The following KIF2A variants were observed in gnomAD, a reference collection of about 807,000 sequenced individuals.
KIF2A encodes kinesin-like protein KIF2A.
In KIF2A, 22 loss-of-function variants were observed where a neutral mutation model predicts 100.2. The observed-to-expected ratio is 0.22, with a 90% CI of 0.16 to 0.31. The LOEUF (loss-of-function observed/expected upper bound fraction) is 0.31. Among genes scored for constraint, KIF2A ranks in the 10% least tolerant of loss-of-function variants. The pLI is 1.00. For synonymous variants in KIF2A, 268 were observed against 285.9 expected, an observed-to-expected ratio of 0.94 and a Z score of 0.63; for missense variants, 495 against 898.7, an observed-to-expected ratio of 0.55 and a Z score of 5.74.
intron 1 of KIF2A, among the ~76,000 whole-genome samples, chr5:62,333,430 G>A (rs1016212046): frequency 3.3e-5 from 5 of 152,142 alleles, no homozygotes; most frequent in African/African-American, 1.2e-4. Flanking sequence ...AGGAAGGAAC[G>A]GGAGGAAGAT....
chr5:62,379,902 T>A (rs1187481395), intron 19 of KIF2A, among the ~76,000 whole-genome samples: 1 of 152,198 alleles, frequency 6.6e-6, no homozygotes, highest in Admixed American at 6.5e-5. Context: ...CTTGTTTTGT[T>A]TTTTGTTTTG....
rs752570320 is a variant in KIF2A, at chr5:62,347,167, A to G, written c.102A>G (p.Glu34=). 6.2e-7 allele frequency: 1 copy of G among 1,604,394 alleles called. No homozygotes were observed. Among genetic ancestry groups the G allele is most frequent in the South Asian group, 1.1e-5 (1 of 89,182 alleles). ...AAGCAATGGTAACATCTTTAAATGA[A>G]GATAATGAAAGTGTAACTGTTGAAT... is the stretch of plus-strand genomic sequence containing the variant. ...IHQAMVTSLN[E]DNESVTVEWI... The change falls in exon 2 of 21, where the codon GAA becomes GAG. Residue 34 remains glutamate (E), a synonymous_variant. Coordinates refer to ENST00000407818, the MANE Select transcript of KIF2A (RefSeq NM_001098511.3).
chr5:62,354,834 A>C (rs935866128), intron 6 of KIF2A, among the ~76,000 whole-genome samples: 3 of 152,124 alleles, frequency 2.0e-5, no homozygotes, highest in Admixed American at 1.3e-4. Context: ...CTGTTGCTGC[A>C]TTTTATAGGA....
Position 62,319,907 on chromosome 5 carries a change from A to ATG in KIF2A, c.64+13372_64+13373insGT, listed in dbSNP as rs1561249202. 9.4e-3 allele frequency among the ~76,000 whole-genome samples: 1,421 copies of ATG among 151,884 alleles called. 13 individuals are homozygous for ATG. Among genetic ancestry groups the ATG allele is most frequent in the South Asian group, 0.032 (152 of 4,812 alleles). On this transcript the variant is annotated intron_variant, in intron 1 of 20. Transcript: ENST00000407818. ...TATATGTATGTATGTATGTATGTAT[A>ATG]TATCTATTAGTCTCCATCCTACCCC...
Position 62,358,144 on chromosome 5 carries a change from A to G in KIF2A, c.717A>G (p.Gln239=), listed in dbSNP as rs754709514. The part of the protein sequence containing the change: ...RKRPLNKKET[Q]MKDLDVITIP... Reference sequence around the variant, plus strand: ...TTTCATTTATTCTTTTAGAAACTCAAATGAAAGATCTTGATGTAATCACAA... The same window carrying G: ...TTTCATTTATTCTTTTAGAAACTCAGATGAAAGATCTTGATGTAATCACAA... Residue 239 remains glutamine (Q), a synonymous_variant, in exon 9 of 21, where the codon CAA becomes CAG. Transcript: ENST00000407818. 1.2e-5 allele frequency: 18 copies of G among 1,557,102 alleles called. No individual in the cohort carries two copies. In the African/African-American group the frequency reaches 1.9e-4, roughly 17 times the overall value.
At chr5:62,383,953 A>G (rs1375979070) in intron 20 of KIF2A, among the ~76,000 whole-genome samples, 1 of 152,134 alleles carries the variant, frequency 6.6e-6, no homozygotes, top group African/African-American at 2.4e-5. Flanking sequence ...TTTGGGATTT[A>G]TAAGAAAAAT....
At chr5:62,308,546 A>G (rs1745418809) in intron 1 of KIF2A, 2 of 702,994 alleles carry the variant, frequency 2.8e-6, no homozygotes, top group South Asian at 1.5e-5. Context: ...GTGTGTGTGT[A>G]TACGTTTATG....
chr5:62,331,809 A>C (rs1031511336), intron 1 of KIF2A, among the ~76,000 whole-genome samples: 26 of 151,956 alleles, frequency 1.7e-4, no homozygotes, highest in African/African-American at 6.0e-4. Context: ...GTATGTCAGA[A>C]ACAGCTGCAA....
intron 1 of KIF2A, among the ~76,000 whole-genome samples, chr5:62,340,207 G>T (rs577166564): frequency 1.3e-5 from 2 of 152,146 alleles, no homozygotes; most frequent in Non-Finnish European, 2.9e-5. Flanking sequence ...AAAGTGCTGG[G>T]ATTGCAGGCG....
intron 4 of KIF2A, 35 bp from the exon 5 acceptor site, chr5:62,352,553 A>G (rs1423514196): frequency 1.3e-6 from 2 of 1,488,754 alleles, no homozygotes; most frequent in Non-Finnish European, 1.8e-6. Flanking sequence ...CTAATTTTCT[A>G]TCCTGAATTT....
Position 62,355,225 on chromosome 5 carries a change from G to A in KIF2A, c.625G>A (p.Asp209Asn), listed in dbSNP as rs769421818. 3.0e-5 allele frequency: 48 copies of A among 1,595,188 alleles called. No individual in the cohort carries two copies. The highest frequency in any genetic ancestry group is 4.1e-5 in the Non-Finnish European group (48 of 1,164,398). ...CMIRDFRGSLDYRPLTTADPI... is the reference protein window; with the variant it reads ...CMIRDFRGSLNYRPLTTADPI... ...GATCAGAGACTTTAGAGGAAGTTTG[G>A]ATTATAGACCATTAACAACAGCAGA... The change falls in exon 7 of 21, where the codon GAT (aspartate) becomes AAT (asparagine). Residue 209 changes from aspartate (D) to asparagine (N), a missense_variant. By Grantham distance (23) the Asp-to-Asn change is conservative (BLOSUM62 1). This residue lies in a region of KIF2A where 109 missense variants were observed against 244.2 expected (regional missense o/e 0.45). Coordinates refer to ENST00000407818, the MANE Select transcript of KIF2A (RefSeq NM_001098511.3).
At chr5:62,308,010 T>C (rs1451831412) in intron 1 of KIF2A, among the ~76,000 whole-genome samples, 3 of 152,234 alleles carry the variant, frequency 2.0e-5, no homozygotes, top group Non-Finnish European at 1.5e-5. Context: ...CCTTGGATTC[T>C]GCCAGGTTTG....
chr5:62,309,291 C>T (rs1389355199), intron 1 of KIF2A, among the ~76,000 whole-genome samples: 1 of 152,142 alleles, frequency 6.6e-6, no homozygotes, highest in East Asian at 1.9e-4. Flanking sequence ...ATTTCAAAAG[C>T]GGTTTGCCTA....
rs1747931896 is a variant in KIF2A, at chr5:62,353,022, AGTCT to A, written c.458-250_458-247del. 9 of 413,068 alleles carry A rather than the reference AGTCT, an allele frequency of 2.2e-5. No individual in the cohort carries two copies. In the South Asian group the frequency reaches 4.2e-4, roughly 19 times the overall value. 25.6% of individuals were successfully genotyped at this position (413,068 alleles called of 1,614,324 possible). Reference sequence around the variant, plus strand: ...GGCTCCTTGATTCTTTGAATTAAAAAGTCTGTGTTTCTAAACCAAGAGATGACAT... The same window carrying A: ...GGCTCCTTGATTCTTTGAATTAAAAAGTGTTTCTAAACCAAGAGATGACAT... On this transcript the variant is annotated intron_variant, in intron 5 of 20. Coordinates refer to ENST00000407818, the MANE Select transcript of KIF2A (RefSeq NM_001098511.3).
Position 62,387,663 on chromosome 5 carries a change from C to T in KIF2A, c.*2094C>T, listed in dbSNP as rs1010472194. 2.0e-5 allele frequency: 3 copies of T among 151,968 alleles called. No individual in the cohort carries two copies. Among genetic ancestry groups the T allele is most frequent in the South Asian group, 2.1e-4 (1 of 4,820 alleles). The allele number at this position is 151,968 out of a possible 1,614,324, so 9.4% of individuals were successfully genotyped here. On this transcript the variant is annotated 3_prime_UTR_variant, in exon 21 of 21. Coordinates refer to ENST00000407818, the MANE Select transcript of KIF2A (RefSeq NM_001098511.3). ...GTAGAGGGAAATAACCTGAGAAAGC[C>T]GAGTTAAATCTTAAAATTTTTACTA...
intron 19 of KIF2A, among the ~76,000 whole-genome samples, chr5:62,378,585 G>A (rs906848554): frequency 1.3e-5 from 2 of 152,154 alleles, no homozygotes; most frequent in Admixed American, 6.5e-5. Context: ...AAATGACAGA[G>A]AACACTTTAT....
chr5:62,377,609 A>G (rs1741607029), intron 18 of KIF2A, 52 bp from the exon 19 acceptor site: 1 of 992,284 alleles, frequency 1.0e-6, no homozygotes, highest in African/African-American at 1.7e-5. Flanking sequence ...CTACTTTTAT[A>G]ACATTTAAAA....
At position 62,357,751 on chromosome 5, in the gene KIF2A, G is replaced by A; in HGVS notation, c.709+6G>A. The A allele has an allele frequency of 6.8e-7, 1 of 1,480,132 alleles. No homozygotes were observed. The highest frequency in any genetic ancestry group is 9.4e-7 in the Non-Finnish European group (1 of 1,062,790). 91.7% of individuals were successfully genotyped at this position (1,480,132 alleles called of 1,614,324 possible). ...ACGACCACTCAATAAAAAAGGTATG[G>A]CACTTAATGAGCTCTAATAAAAGAT... On this transcript the variant is annotated splice_donor_region_variant and intron_variant, in intron 8 of 20. Coordinates refer to ENST00000407818, the MANE Select transcript of KIF2A (RefSeq NM_001098511.3).
chr5:62,384,623 G>T (rs976821939), intron 20 of KIF2A, among the ~76,000 whole-genome samples: 14 of 152,146 alleles, frequency 9.2e-5, no homozygotes, highest in African/African-American at 3.4e-4. Flanking sequence ...CACTGTTATT[G>T]AAAGATAGCT....
Sources: allele counts gnomAD v4.1 joint callset (sites outside exome capture counted in the v4.1 genomes callset), GRCh38; gene constraint gnomAD v4.1.1; regional missense constraint gnomAD v4.1.1; transcripts MANE v1.5; gene names NCBI Gene and HGNC (gene_info 2026-07-23, HGNC 2026-07-21).